EYA4: variants seen among roughly 807,000 people sequenced by gnomAD.
EYA4 encodes EYA transcriptional coactivator and phosphatase 4.
EYA4 carries 31 observed loss-of-function variants against 87.9 expected under a neutral mutation model. The observed-to-expected ratio is 0.35, with a 90% confidence interval of 0.27 to 0.48. The LOEUF (loss-of-function observed/expected upper bound fraction) is 0.48. Among genes scored for constraint, EYA4 ranks in the 20% least tolerant of loss-of-function variants. The probability of loss-of-function intolerance (pLI) is 0.99; values close to 1 mark genes in which losing one functional copy is unlikely to be tolerated. For missense variants in EYA4, 678 were observed against 761.4 expected (o/e 0.89, Z 1.29); for synonymous variants, 263 against 270.6 (o/e 0.97, Z 0.28).
At chr6:133,487,373 A>G (rs2128720793) in intron 13 of EYA4, among the ~76,000 whole-genome samples, 1 of 152,288 alleles carries the variant, frequency 6.6e-6, no homozygotes, top group African/African-American at 2.4e-5. Flanking sequence ...CGGCAGACAC[A>G]TGACATGGTA....
intron 2 of EYA4, among the ~76,000 whole-genome samples, chr6:133,377,564 G>GTTTTTTTTTTTTTT: frequency 8.6e-6 from 1 of 116,324 alleles, no homozygotes. Flanking sequence ...TTTCACATTA[G>GTTTTTTTTTTTTTT]TTTTTTTTTT....
chr6:133,441,213 C>A (rs146241350), intron 3 of EYA4, among the ~76,000 whole-genome samples: 1 of 152,216 alleles, frequency 6.6e-6, no homozygotes, highest in East Asian at 1.9e-4. Context: ...TGCATTGGCC[C>A]AGCTTCAGAT....
chr6:133,256,386 G>C (rs1400864377), intron 1 of EYA4, among the ~76,000 whole-genome samples: 1 of 151,782 alleles, frequency 6.6e-6, no homozygotes. Context: ...ATTATTAGGA[G>C]AAATGGTTCT....
At chr6:133,491,512 A>G (rs555243688) in intron 13 of EYA4, among the ~76,000 whole-genome samples, 1 of 152,334 alleles carries the variant, frequency 6.6e-6, no homozygotes, top group South Asian at 2.1e-4. Context: ...CTTAGAGGCT[A>G]CTGTGAGAAA....
At chr6:133,421,133 T>A (rs1251088259) in intron 3 of EYA4, among the ~76,000 whole-genome samples, 3 of 152,172 alleles carry the variant, frequency 2.0e-5, no homozygotes, top group Admixed American at 2.0e-4. Context: ...ACGGCCTCAT[T>A]ATGCAAGAGG....
intron 2 of EYA4, among the ~76,000 whole-genome samples, chr6:133,293,623 T>G (rs189703247): frequency 2.0e-5 from 3 of 152,230 alleles, no homozygotes; most frequent in African/African-American, 7.2e-5. Context: ...AAACTGTGCC[T>G]TGTAAAACAT....
chr6:133,369,160 G>A (rs1183778400), intron 2 of EYA4, among the ~76,000 whole-genome samples: 1 of 152,138 alleles, frequency 6.6e-6, no homozygotes, highest in East Asian at 1.9e-4. Flanking sequence ...GAAGGGATGA[G>A]AGATGAGTTG....
At chr6:133,346,336 C>T (rs1217416518) in intron 2 of EYA4, among the ~76,000 whole-genome samples, 3 of 152,028 alleles carry the variant, frequency 2.0e-5, no homozygotes, top group African/African-American at 7.2e-5. Flanking sequence ...TCTTTCTTGA[C>T]GTGGACTTAG....
chr6:133,452,156 A>G (rs79709397), intron 5 of EYA4, among the ~76,000 whole-genome samples: 2,906 of 152,284 alleles, frequency 0.019, 65 homozygotes, highest in Admixed American at 0.066. Flanking sequence ...CTGCAGTGTT[A>G]TAAATTGTAA....
Position 133,506,098 on chromosome 6 carries a change from C to T in EYA4, c.1192-8C>T, listed in dbSNP as rs1489524042. The T allele has an allele frequency of 6.4e-7, 1 of 1,571,762 alleles. No individual in the cohort carries two copies. Among genetic ancestry groups the T allele is most frequent in the Admixed American group, 1.7e-5 (1 of 59,914 alleles). On this transcript the variant is annotated splice_region_variant and splice_polypyrimidine_tract_variant and intron_variant, in intron 13 of 19. Transcript: ENST00000355286. ...TTTTACCTCATTATGTGTACATTTT[C>T]TTTACAGGATCCCCCCATGGCTGTA...
chr6:133,486,186 C>T (rs1428878544), intron 13 of EYA4, among the ~76,000 whole-genome samples: 1 of 152,128 alleles, frequency 6.6e-6, no homozygotes, highest in Non-Finnish European at 1.5e-5. Context: ...TGAAAAACAA[C>T]TTATATTGCC....
intron 2 of EYA4, among the ~76,000 whole-genome samples, chr6:133,330,291 T>C (rs1781822077): frequency 6.6e-6 from 1 of 152,096 alleles, no homozygotes; most frequent in South Asian, 2.1e-4. Context: ...AATGCTGTGA[T>C]TCTCCTATTT....
At chr6:133,477,795 G>A (rs866246362) in intron 11 of EYA4, among the ~76,000 whole-genome samples, 2 of 150,074 alleles carry the variant, frequency 1.3e-5, no homozygotes, top group African/African-American at 4.9e-5. Flanking sequence ...TCACCGGGTT[G>A]GAGTGAGGTT....
rs565675762 is a variant in EYA4 at position 133,272,205 on chromosome 6, T to C, written c.-65-2511T>C. Among the ~76,000 whole-genome samples the C allele has an allele frequency of 2.6e-5, 4 of 152,274 alleles. No homozygotes were observed. The South Asian group carries it at 8.3e-4, about 32-fold the overall frequency. ...CAGCTGTCCACTTTAGAGGGGTGCCTCCATATCATGCAGAACCATTTGTGA... is the reference window on the plus strand; with the variant it reads ...CAGCTGTCCACTTTAGAGGGGTGCCCCCATATCATGCAGAACCATTTGTGA... On this transcript the variant is annotated intron_variant, in intron 1 of 19. Transcript: ENST00000355286.
intron 3 of EYA4, among the ~76,000 whole-genome samples, chr6:133,403,183 T>A (rs754796192): frequency 6.6e-6 from 1 of 151,570 alleles, no homozygotes; most frequent in Non-Finnish European, 1.5e-5. Context: ...AAAATTAAAA[T>A]GTGATTACAC....
At chr6:133,512,675 C>T (rs1324269697) in intron 14 of EYA4, 46 bp from the exon 15 acceptor site, 1 of 1,439,924 alleles carries the variant, frequency 6.9e-7, no homozygotes, top group South Asian at 1.1e-5. Context: ...AGCATGGTAA[C>T]AAGCATCATT....
At chr6:133,313,218 T>G (rs988151440) in intron 2 of EYA4, among the ~76,000 whole-genome samples, 3 of 152,170 alleles carry the variant, frequency 2.0e-5, no homozygotes, top group African/African-American at 7.2e-5. Context: ...ATGCTCCCTT[T>G]TATTTTGGAT....
intron 1 of EYA4, among the ~76,000 whole-genome samples, chr6:133,242,067 G>T (rs943308733): frequency 2.0e-5 from 3 of 152,354 alleles, no homozygotes; most frequent in Admixed American, 2.0e-4. Context: ...TGCGCGTAAC[G>T]GAGTTCATCC....
chr6:133,381,979 A>G (rs1467821363), intron 2 of EYA4, among the ~76,000 whole-genome samples: 2 of 152,238 alleles, frequency 1.3e-5, no homozygotes, highest in African/African-American at 4.8e-5. Flanking sequence ...TGAACATTTT[A>G]GTTAATGCTG....
Sources: allele counts gnomAD v4.1 joint callset (sites outside exome capture counted in the v4.1 genomes callset), GRCh38; gene constraint gnomAD v4.1.1; transcripts MANE v1.5; gene names NCBI Gene and HGNC (gene_info 2026-07-23, HGNC 2026-07-21).